GPR89B: variants seen among roughly 807,000 people sequenced by gnomAD.
The protein encoded by GPR89B is G protein-coupled receptor 89B.
GPR89B carries 25 observed loss-of-function variants against 52.4 expected under a neutral mutation model. That is an observed-to-expected ratio of 0.48 (90% confidence interval 0.35 to 0.67). The LOEUF is 0.67. Ranked by LOEUF, GPR89B falls within the 30% of genes least tolerant of loss-of-function variation. GPR89B has a pLI of 0.01. For missense variants in GPR89B, 146 were observed against 450.2 expected, an observed-to-expected ratio of 0.32 and a Z score of 6.11; for synonymous variants, 52 against 151.2, an observed-to-expected ratio of 0.34 and a Z score of 4.81.
chr1:147,929,971 A>G (rs1653413678), intron 1 of GPR89B, among the ~76,000 whole-genome samples: 1 of 152,234 alleles, frequency 6.6e-6, no homozygotes, highest in East Asian at 1.9e-4. Flanking sequence ...TAGCCTTAGT[A>G]CCAATTTAAG....
the GPR89B span, chr1:148,003,669 T>G: frequency 1.7e-6 from 1 of 574,284 alleles, no homozygotes; most frequent in Non-Finnish European, 3.2e-6. Context: ...CAGCTGTGCC[T>G]TCTATGCTAT....
the GPR89B span, among the ~76,000 whole-genome samples, chr1:148,008,731 T>C: frequency 6.6e-6 from 1 of 152,158 alleles, no homozygotes; most frequent in Admixed American, 6.5e-5. Flanking sequence ...CAAATCACTA[T>C]GTACCTCTTA....
At chr1:148,008,437 GT>G in the GPR89B span, among the ~76,000 whole-genome samples, 1 of 151,860 alleles carries the variant, frequency 6.6e-6, no homozygotes, top group Non-Finnish European at 1.5e-5. Flanking sequence ...CTTATCGTGA[GT>G]TTACATCTCT....
intron 8 of GPR89B, chr1:147,968,610 A>G: frequency 1.8e-6 from 1 of 566,984 alleles, no homozygotes. Context: ...AAAACAAATG[A>G]AACTATCTGT....
Position 147,963,443 on chromosome 1 carries a change from G to C in GPR89B, c.618-3111G>C, listed in dbSNP as rs1656784203. Among the ~76,000 whole-genome samples the C allele has an allele frequency of 7.4e-5, 11 of 149,266 alleles. No homozygotes were observed. The South Asian group carries it at 2.3e-3, about 31-fold the overall frequency. On this transcript the variant is annotated intron_variant, in intron 7 of 13. Coordinates refer to ENST00000314163, the MANE Select transcript of GPR89B (RefSeq NM_016334.5). ...AGCTACCCACTGGGAGAAAATATTT[G>C]CAAGCCACTTATTTGAGAAAGCACT...
chr1:147,932,159 G>GCTT (rs1653686860), intron 1 of GPR89B, among the ~76,000 whole-genome samples: 1 of 151,444 alleles, frequency 6.6e-6, no homozygotes, highest in Non-Finnish European at 1.5e-5. Context: ...TTCAGTCGTG[G>GCTT]CTTCATAAGT....
the GPR89B span, among the ~76,000 whole-genome samples, chr1:148,007,168 C>T: frequency 1.1e-4 from 16 of 140,292 alleles, 1 homozygote; most frequent in East Asian, 6.3e-4. Context: ...CTCCGCCTCC[C>T]GGGTTCACAC....
chr1:147,949,497 C>A (rs1553250460), intron 5 of GPR89B, among the ~76,000 whole-genome samples: 1 of 124,142 alleles, frequency 8.1e-6, no homozygotes, highest in African/African-American at 3.4e-5. Flanking sequence ...GGCAGAGGGG[C>A]TCCTCACTTC....
intron 10 of GPR89B, among the ~76,000 whole-genome samples, chr1:147,970,549 C>A (rs868982335): frequency 0.012 from 1,435 of 123,982 alleles, 15 homozygotes; most frequent in African/African-American, 0.038. Context: ...CTATCTCTCT[C>A]TCTCTATCTC....
intron 5 of GPR89B, among the ~76,000 whole-genome samples, chr1:147,949,870 G>T: frequency 7.3e-6 from 1 of 136,430 alleles, no homozygotes; most frequent in Non-Finnish European, 1.6e-5. Flanking sequence ...CAGTAGGGGC[G>T]GCCGGGCAGA....
At chr1:147,952,021 A>G (rs1362847513) in intron 5 of GPR89B, among the ~76,000 whole-genome samples, 1 of 151,740 alleles carries the variant, frequency 6.6e-6, no homozygotes, top group Non-Finnish European at 1.5e-5. Flanking sequence ...GGTAGTTTGT[A>G]GTAGAGTGAA....
chr1:147,968,792 G>A (rs1286758937), intron 8 of GPR89B, 83 bp from the exon 9 acceptor site: 21 of 1,610,016 alleles, frequency 1.3e-5, no homozygotes, highest in African/African-American at 1.2e-4. Context: ...TCCACTGTAG[G>A]AAAAACTAAA....
chr1:147,988,238 A>G (rs1658808099), intron 11 of GPR89B, among the ~76,000 whole-genome samples, 194 bp from the exon 12 acceptor site: 1 of 152,064 alleles, frequency 6.6e-6, no homozygotes, highest in African/African-American at 2.4e-5. Context: ...CTGCTAATTA[A>G]GGTATTTACT....
intron 10 of GPR89B, among the ~76,000 whole-genome samples, chr1:147,981,126 C>T (rs1658215723): frequency 6.6e-6 from 1 of 150,714 alleles, no homozygotes; most frequent in Admixed American, 6.6e-5. Flanking sequence ...CTGTACCCAG[C>T]CCTAGCATAA....
chr1:147,997,990 A>G, downstream of GPR89B, among the ~76,000 whole-genome samples: 1 of 152,198 alleles, frequency 6.6e-6, no homozygotes, highest in Non-Finnish European at 1.5e-5. Context: ...CTCCTAATTC[A>G]TATCAACTCC....
intron 2 of GPR89B, among the ~76,000 whole-genome samples, chr1:147,937,872 C>G (rs1363803512): frequency 1.3e-5 from 2 of 151,964 alleles, no homozygotes; most frequent in African/African-American, 4.8e-5. Flanking sequence ...ACAAAGATGA[C>G]GGGATTAAGA....
At chr1:147,994,390 G>A, downstream of GPR89B, 7 of 1,284,060 alleles carry the variant, frequency 5.5e-6, no homozygotes, top group Non-Finnish European at 7.8e-6. Flanking sequence ...ACAAATGGTA[G>A]AGTAATGAAA....
intron 7 of GPR89B, among the ~76,000 whole-genome samples, chr1:147,963,816 C>T (rs1656821196): frequency 6.6e-6 from 1 of 152,160 alleles, no homozygotes; most frequent in Non-Finnish European, 1.5e-5. Context: ...GCCGTTACCA[C>T]ACCCCAACAA....
At chr1:147,997,879 C>T (rs1434328861), downstream of GPR89B, among the ~76,000 whole-genome samples, 12 of 152,120 alleles carry the variant, frequency 7.9e-5, no homozygotes, top group African/African-American at 1.7e-4. Context: ...CAATACCCTC[C>T]CCTTCCAGAC....
Sources: gnomAD v4.1 joint callset for allele counts (sites outside exome capture counted in the v4.1 genomes callset) on GRCh38, gnomAD v4.1.1 for gene constraint, MANE v1.5 for transcripts, NCBI Gene and HGNC (gene_info 2026-07-23, HGNC 2026-07-21) for gene names.